Variants in MYO10 observed in about 807,000 individuals in gnomAD.
The protein encoded by MYO10 is unconventional myosin-X.
MYO10 carries 133 observed loss-of-function variants against 257.3 expected under a neutral mutation model. That is an observed-to-expected ratio of 0.52 (90% CI 0.45 to 0.60). The LOEUF (loss-of-function observed/expected upper bound fraction) is 0.60, where lower values mean the gene tolerates loss of function less well. Among genes scored for constraint, MYO10 ranks in the 20% least tolerant of loss-of-function variants. The pLI, the probability that MYO10 is intolerant of heterozygous loss-of-function variation, is 0.00. For synonymous variants in MYO10, 1,104 were observed against 1,028.6 expected, an observed-to-expected ratio of 1.07 and a Z score of -1.40; for missense variants, 2,399 against 2,635.7, an observed-to-expected ratio of 0.91 and a Z score of 1.97.
rs140829001 is a variant in MYO10 at position 16,831,736 on chromosome 5, G to C, written c.121-13569C>G. On this transcript the variant is annotated intron_variant, in intron 2 of 40. Transcript: ENST00000513610. ...GGAATCAATGGGAAAGGGTGGGAAGGGGGTGAGGGATAAAAGACTACAAAT... is the reference window on the plus strand; with the variant it reads ...GGAATCAATGGGAAAGGGTGGGAAGCGGGTGAGGGATAAAAGACTACAAAT... Among the ~76,000 whole-genome samples the C allele has an allele frequency of 7.1e-3, 1,086 of 152,236 alleles. 17 individuals carry two copies. Among genetic ancestry groups the C allele is most frequent in the African/African-American group, 0.025 (1,036 of 41,542 alleles).
intron 19 of MYO10, among the ~76,000 whole-genome samples, chr5:16,718,710 C>T (rs1458330039): frequency 1.3e-5 from 2 of 151,888 alleles, no homozygotes; most frequent in Non-Finnish European, 1.5e-5. Context: ...CTGGTGAGGA[C>T]GTGGAGAACC....
At chr5:16,726,133 C>T (rs1302817873) in intron 19 of MYO10, among the ~76,000 whole-genome samples, 1 of 152,136 alleles carries the variant, frequency 6.6e-6, no homozygotes, top group Non-Finnish European at 1.5e-5. Flanking sequence ...GCCAGATCTC[C>T]CCTAGAGTGC....
At chr5:16,851,933 C>G (rs1232005731) in intron 2 of MYO10, among the ~76,000 whole-genome samples, 13 of 151,160 alleles carry the variant, frequency 8.6e-5, no homozygotes. Context: ...TGCCTGTAAT[C>G]CCAGCTACTC....
intron 19 of MYO10, 68 bp from the exon 20 acceptor site, chr5:16,711,313 T>TA: frequency 6.7e-7 from 1 of 1,488,104 alleles, no homozygotes; most frequent in East Asian, 2.4e-5. Context: ...GGAGGCTTAA[T>TA]AAAGCCACCT....
At chr5:16,775,964 C>T (rs374046679) in intron 9 of MYO10, among the ~76,000 whole-genome samples, 2 of 152,126 alleles carry the variant, frequency 1.3e-5, no homozygotes, top group African/African-American at 2.4e-5. Flanking sequence ...GACATAATCT[C>T]GGCTCACTGT....
chr5:16,737,968 A>G (rs547441167), intron 19 of MYO10, among the ~76,000 whole-genome samples: 24 of 152,254 alleles, frequency 1.6e-4, no homozygotes, highest in Non-Finnish European at 2.5e-4. Context: ...AAGTTTAATT[A>G]TGGACACATT....
At chr5:16,856,031 A>G (rs1743951757) in intron 2 of MYO10, among the ~76,000 whole-genome samples, 1 of 152,218 alleles carries the variant, frequency 6.6e-6, no homozygotes, top group Admixed American at 6.5e-5. Flanking sequence ...TGCATTTGAA[A>G]CTTCTAACAC....
At chr5:16,829,712 TGC>T (rs1180189697) in intron 2 of MYO10, among the ~76,000 whole-genome samples, 1 of 152,104 alleles carries the variant, frequency 6.6e-6, no homozygotes, top group African/African-American at 2.4e-5. Context: ...GCAGCACATC[TGC>T]CAGTGGAGAT....
intron 4 of MYO10, among the ~76,000 whole-genome samples, chr5:16,789,189 C>T (rs1190657246): frequency 2.0e-5 from 3 of 152,204 alleles, no homozygotes; most frequent in Non-Finnish European, 4.4e-5. Context: ...GCAGGCTGTG[C>T]GTTGCATACT....
intron 2 of MYO10, among the ~76,000 whole-genome samples, chr5:16,823,927 T>C (rs1018481575): frequency 9.9e-5 from 15 of 152,030 alleles, no homozygotes; most frequent in African/African-American, 3.6e-4. Flanking sequence ...AGGGAAGGAA[T>C]GAGCAAAACA....
intron 26 of MYO10, among the ~76,000 whole-genome samples, chr5:16,698,925 G>A (rs967604414): frequency 1.3e-5 from 2 of 152,058 alleles, no homozygotes. Flanking sequence ...GCCCGGCCGA[G>A]AACATGCAGT....
intron 3 of MYO10, among the ~76,000 whole-genome samples, chr5:16,800,724 C>T (rs111592932): frequency 0.026 from 3,959 of 152,260 alleles, 163 homozygotes; most frequent in African/African-American, 0.09. Context: ...CTCAGCCTTG[C>T]CATGCGCCAC....
In MYO10 at chr5:16,701,148, G is replaced by T. The variant is rs745809332; in HGVS notation, c.3247C>A (p.Pro1083Thr). 9.4e-6 allele frequency: 15 copies of T among 1,601,770 alleles called. No individual in the cohort carries two copies. Among genetic ancestry groups the T allele is most frequent in the Non-Finnish European group, 1.7e-6 (2 of 1,174,424 alleles). Residue 1083 changes from proline (P) to threonine (T), a missense_variant, in exon 25 of 41, where the codon CCC (proline) becomes ACC (threonine). This residue lies in a region of MYO10 where 1,820 missense variants were observed against 1,939.4 expected (regional missense o/e 0.94). Coordinates refer to ENST00000513610, the MANE Select transcript of MYO10 (RefSeq NM_012334.3). The surrounding 1 kb of genome is among the most constrained non-coding windows in gnomAD (Gnocchi z 8.1). Reference sequence around the variant, plus strand: ...TAGTCGTAGTCGCCGTCTGGGGAGGGCAAGTCCCCAGCGTTCTGGGGCATG... The same window carrying T: ...TAGTCGTAGTCGCCGTCTGGGGAGGTCAAGTCCCCAGCGTTCTGGGGCATG... The part of the protein sequence containing the change: ...YCMPQNAGDL[P>T]SPDGDYDYDQ...
intron 26 of MYO10, among the ~76,000 whole-genome samples, chr5:16,699,046 C>G (rs114854934): frequency 1.3e-5 from 2 of 151,534 alleles, no homozygotes; most frequent in Non-Finnish European, 2.9e-5. Context: ...GAGAGGGAGA[C>G]AGTGAAAGAG....
chr5:16,840,646 G>A (rs1170235927), intron 2 of MYO10, among the ~76,000 whole-genome samples: 1 of 152,010 alleles, frequency 6.6e-6, no homozygotes, highest in Admixed American at 6.6e-5. Context: ...ATGCATATGT[G>A]TCTTCACAGT....
At chr5:16,890,818 C>T (rs1489885381) in intron 1 of MYO10, among the ~76,000 whole-genome samples, 2 of 151,138 alleles carry the variant, frequency 1.3e-5, no homozygotes, top group East Asian at 1.9e-4. Context: ...CCAGCCTGGG[C>T]GGCAGAGCAA....
chr5:16,932,184 G>C lies in MYO10; in HGVS notation c.21+3604C>G, dbSNP rs556012560. On this transcript the variant is annotated intron_variant, in intron 1 of 40. Transcript: ENST00000513610. Reference sequence around the variant, plus strand: ...ATACCTGCTTTCTGTATTTGTATTTGTGAGTATCTTACTTGTGTACATTTT... The same window carrying C: ...ATACCTGCTTTCTGTATTTGTATTTCTGAGTATCTTACTTGTGTACATTTT... 9.1e-4 allele frequency among the ~76,000 whole-genome samples: 138 copies of C among 152,300 alleles called. 2 individuals carry two copies. The highest frequency in any genetic ancestry group is 1.7e-3 in the Non-Finnish European group (119 of 68,028).
intron 1 of MYO10, among the ~76,000 whole-genome samples, chr5:16,893,909 A>G (rs568224174): frequency 1.3e-5 from 2 of 152,288 alleles, no homozygotes; most frequent in African/African-American, 4.8e-5. Context: ...GGCACCAGGC[A>G]GCGAGGAGTG....
intron 1 of MYO10, among the ~76,000 whole-genome samples, chr5:16,901,141 C>G (rs61567051): frequency 6.6e-6 from 1 of 151,910 alleles, no homozygotes; most frequent in Non-Finnish European, 1.5e-5. Context: ...CCCCCTCTCC[C>G]GAGACTCTTC....
Sources: gnomAD v4.1 joint callset for allele counts (sites outside exome capture counted in the v4.1 genomes callset) on GRCh38, gnomAD v4.1.1 for gene constraint, gnomAD v4.1.1 regional missense constraint, Gnocchi (gnomAD v3.1) non-coding constraint, MANE v1.5 for transcripts, NCBI Gene and HGNC (gene_info 2026-07-23, HGNC 2026-07-21) for gene names.